VAX2: variants seen among roughly 807,000 people sequenced by gnomAD.
VAX2 encodes ventral anterior homeobox 2.
Under a neutral mutation model 12.5 loss-of-function variants are expected in VAX2, and 8 were observed. That is an observed-to-expected ratio of 0.64 (90% confidence interval 0.37 to 1.15). The LOEUF (loss-of-function observed/expected upper bound fraction) is 1.15. Ranked by LOEUF, VAX2 falls within the 50% of genes most tolerant of loss-of-function variation. The probability of loss-of-function intolerance (pLI) is 0.01; values close to 1 mark genes in which losing one functional copy is unlikely to be tolerated. For missense variants in VAX2, 476 were observed against 412.9 expected, an observed-to-expected ratio of 1.15 and a Z score of -1.32; for synonymous variants, 183 against 187.6, an observed-to-expected ratio of 0.98 and a Z score of 0.20.
rs529576074 is a variant in VAX2, at chr2:70,919,027, C to A, written c.248-2071C>A. ...GGTCAGCCTGGCCAACATAGTGAAA[C>A]CCTGTCTCTACCAAAAATACAAAAA... On this transcript the variant is annotated intron_variant, in intron 1 of 2. Coordinates refer to ENST00000234392, the MANE Select transcript of VAX2 (RefSeq NM_012476.3). Among the ~76,000 whole-genome samples the A allele has an allele frequency of 2.0e-5, 3 of 151,458 alleles. No individual in the cohort carries two copies. The East Asian group carries it at 5.8e-4, about 29-fold the overall frequency.
intron 1 of VAX2, among the ~76,000 whole-genome samples, chr2:70,906,152 G>A (rs1312516270): frequency 1.3e-5 from 2 of 152,216 alleles, no homozygotes; most frequent in African/African-American, 2.4e-5. Flanking sequence ...AGACACCAAC[G>A]CTGCATGGGC....
chr2:70,916,927 G>C lies in VAX2; in HGVS notation c.248-4171G>C, dbSNP rs147096583. On this transcript the variant is annotated intron_variant, in intron 1 of 2. Coordinates refer to ENST00000234392, the MANE Select transcript of VAX2 (RefSeq NM_012476.3). Reference sequence around the variant, plus strand: ...ACACTTTGGGAGGCCCAGGCAGGTGGATCACCTGAGGTCAGGAGTTCGAGA... The same window carrying C: ...ACACTTTGGGAGGCCCAGGCAGGTGCATCACCTGAGGTCAGGAGTTCGAGA... Among the ~76,000 whole-genome samples, 1,114 of 152,166 alleles carry C rather than the reference G, an allele frequency of 7.3e-3. 10 individuals are homozygous for C. The highest frequency in any genetic ancestry group is 0.026 in the African/African-American group (1,061 of 41,504).
At chr2:70,919,232 A>C (rs1456911241) in intron 1 of VAX2, among the ~76,000 whole-genome samples, 2 of 147,154 alleles carry the variant, frequency 1.4e-5, no homozygotes, top group African/African-American at 5.0e-5. Context: ...TGTCTCCACA[A>C]AAAAAAAAAA....
In VAX2 at chr2:70,933,256, T is replaced by G; in HGVS notation, c.*52T>G. 4.1e-6 allele frequency: 6 copies of G among 1,459,636 alleles called. No individual in the cohort carries two copies. Among genetic ancestry groups the G allele is most frequent in the Non-Finnish European group, 5.4e-6 (6 of 1,103,246 alleles). 90.4% of individuals were successfully genotyped at this position (1,459,636 alleles called of 1,614,324 possible). A position where few individuals can be genotyped will look rare whatever the true frequency, so the allele number is the denominator to read the frequency against. Reference sequence around the variant, plus strand: ...CGAGCACAGCACCTTCCCAGTCTCCTGTGCCCCAGCGGACAGCACTGAGCA... The same window carrying G: ...CGAGCACAGCACCTTCCCAGTCTCCGGTGCCCCAGCGGACAGCACTGAGCA... On this transcript the variant is annotated 3_prime_UTR_variant, in exon 3 of 3. Transcript: ENST00000234392.
chr2:70,919,384 T>A (rs908194521), intron 1 of VAX2, among the ~76,000 whole-genome samples: 4 of 151,876 alleles, frequency 2.6e-5, no homozygotes, highest in Non-Finnish European at 5.9e-5. Flanking sequence ...ATGGAGACAT[T>A]GAGAAGGTTA....
At chr2:70,911,516 C>T (rs1679183862) in intron 1 of VAX2, among the ~76,000 whole-genome samples, 1 of 152,126 alleles carries the variant, frequency 6.6e-6, no homozygotes, top group Middle Eastern at 3.2e-3. Flanking sequence ...GGCATTATTC[C>T]TCTTCAAAAA....
At chr2:70,921,771 T>A (rs1036191663) in intron 2 of VAX2, among the ~76,000 whole-genome samples, 4 of 152,072 alleles carry the variant, frequency 2.6e-5, no homozygotes, top group African/African-American at 4.8e-5. Context: ...CTCAGTCTCT[T>A]GTTGGAAAGG....
intron 1 of VAX2, among the ~76,000 whole-genome samples, chr2:70,917,322 C>CAAATAAATAAAT (rs56031108): frequency 0.2 from 29,517 of 147,070 alleles, 3,896 homozygotes; most frequent in Non-Finnish European, 0.29. Context: ...ACTCTATCTC[C>CAAATAAATAAAT]AAATAAATAA....
At chr2:70,907,413 G>C (rs1327783795) in intron 1 of VAX2, among the ~76,000 whole-genome samples, 3 of 152,264 alleles carry the variant, frequency 2.0e-5, no homozygotes, top group African/African-American at 7.2e-5. Context: ...CCAGCCAGAG[G>C]GTTGACAGAA....
At chr2:70,905,009 T>G (rs1359487248) in intron 1 of VAX2, among the ~76,000 whole-genome samples, 4 of 152,162 alleles carry the variant, frequency 2.6e-5, no homozygotes, top group Admixed American at 2.6e-4. Flanking sequence ...GGGAGGTTAC[T>G]GCAGGGACAG....
intron 1 of VAX2, among the ~76,000 whole-genome samples, chr2:70,906,871 C>G (rs989538958): frequency 6.6e-6 from 1 of 152,158 alleles, no homozygotes; most frequent in South Asian, 2.1e-4. Context: ...GGCGGGCTCC[C>G]CGAGCCTGCT....
intron 1 of VAX2, among the ~76,000 whole-genome samples, chr2:70,906,503 T>C (rs1276950097): frequency 2.0e-5 from 3 of 149,230 alleles, no homozygotes; most frequent in Admixed American, 6.7e-5. Flanking sequence ...TTCTTTCTTT[T>C]TTTTTCTTTT....
At chr2:70,921,608 G>A (rs1485631041) in intron 2 of VAX2, among the ~76,000 whole-genome samples, 2 of 152,088 alleles carry the variant, frequency 1.3e-5, no homozygotes, top group East Asian at 1.9e-4. Flanking sequence ...TGGCATGTAA[G>A]AGGAGTGACA....
intron 2 of VAX2, among the ~76,000 whole-genome samples, chr2:70,925,060 A>T (rs72895719): frequency 0.021 from 3,232 of 152,330 alleles, 126 homozygotes; most frequent in African/African-American, 0.073. Flanking sequence ...CGTGAGGGGC[A>T]GGAATTGGCA....
At chr2:70,925,720 T>C (rs6748268) in intron 2 of VAX2, among the ~76,000 whole-genome samples, 39,144 of 151,990 alleles carry the variant, frequency 0.26, 5,404 homozygotes, top group Non-Finnish European at 0.31. Flanking sequence ...CATAGCCTTG[T>C]TGAAATTCAA....
At chr2:70,927,558 A>G (rs1679601693) in intron 2 of VAX2, among the ~76,000 whole-genome samples, 1 of 151,110 alleles carries the variant, frequency 6.6e-6, no homozygotes, top group African/African-American at 2.4e-5. Context: ...GTATGGGCCC[A>G]TGGTCACAGA....
At chr2:70,915,117 G>T (rs1553411760) in intron 1 of VAX2, among the ~76,000 whole-genome samples, 1 of 150,976 alleles carries the variant, frequency 6.6e-6, no homozygotes, top group Non-Finnish European at 1.5e-5. Flanking sequence ...ACTCTTAAAT[G>T]TATTTTTTTT....
At chr2:70,903,437 C>A (rs932863060) in intron 1 of VAX2, among the ~76,000 whole-genome samples, 3 of 152,070 alleles carry the variant, frequency 2.0e-5, no homozygotes, top group Non-Finnish European at 4.4e-5. Context: ...GGGTGGGGGG[C>A]AGGTTTGTTG....
chr2:70,932,454 C>G (rs988854245), intron 2 of VAX2, among the ~76,000 whole-genome samples: 9 of 152,176 alleles, frequency 5.9e-5, no homozygotes, highest in African/African-American at 1.7e-4. Context: ...ATCAGTTGTA[C>G]TCCCAAACTC....
Sources: allele counts gnomAD v4.1 joint callset (sites outside exome capture counted in the v4.1 genomes callset), GRCh38; gene constraint gnomAD v4.1.1; transcripts MANE v1.5; gene names NCBI Gene and HGNC (gene_info 2026-07-23, HGNC 2026-07-21).